Variants in GLUD1 observed in about 807,000 individuals in gnomAD.
The protein encoded by GLUD1 is glutamate dehydrogenase 1, mitochondrial.
Under a neutral mutation model 56.0 loss-of-function variants are expected in GLUD1, and 22 were observed. The observed-to-expected ratio is 0.39, with a 90% CI of 0.28 to 0.56. GLUD1 has a LOEUF of 0.56. GLUD1 is among the 20% of genes least tolerant of loss of function. The pLI, the probability that GLUD1 is intolerant of heterozygous loss-of-function variation, is 0.58. For synonymous variants in GLUD1, 223 were observed against 269.9 expected (o/e 0.83, Z 1.70); for missense variants, 451 against 732.0 (o/e 0.62, Z 4.43).
intron 8 of GLUD1, chr10:87,060,447 G>GT (rs367859959): frequency 0.11 from 48,250 of 430,586 alleles, 75 homozygotes; most frequent in South Asian, 0.16. Context: ...TTGTTTGCTT[G>GT]TTTTTTTTTT....
At chr10:87,060,594 A>G in intron 8 of GLUD1, 94 bp downstream of exon 8, 1 of 1,487,794 alleles carries the variant, frequency 6.7e-7, no homozygotes, top group Non-Finnish European at 9.4e-7. Flanking sequence ...TAAAGCTGCT[A>G]AAAAGAAAGA....
intron 5 of GLUD1, among the ~76,000 whole-genome samples, chr10:87,065,717 A>C (rs893852038): frequency 1.3e-5 from 2 of 152,198 alleles, no homozygotes; most frequent in Non-Finnish European, 2.9e-5. Context: ...TACCTGATGT[A>C]ATACCTACAG....
chr10:87,057,386 C>G (rs563722308), intron 11 of GLUD1, among the ~76,000 whole-genome samples: 128 of 152,294 alleles, frequency 8.4e-4, no homozygotes, highest in African/African-American at 3.0e-3. Context: ...CTAATGCTTG[C>G]TTTTCAATTC....
In GLUD1 at chr10:87,051,725, T is replaced by C. The variant is rs754979583; in HGVS notation, c.*26A>G. On this transcript the variant is annotated 3_prime_UTR_variant, in exon 13 of 13. Coordinates refer to ENST00000277865, the MANE Select transcript of GLUD1 (RefSeq NM_005271.5). ...CTGCAGAAGTTACATGTGAAGAGGA[T>C]AGTGAGGAAGTCAGCCATGATCCAT... 38 of 1,610,950 alleles carry C rather than the reference T, an allele frequency of 2.4e-5. No homozygotes were observed. Among genetic ancestry groups the C allele is most frequent in the African/African-American group, 4.0e-5 (3 of 74,834 alleles).
intron 1 of GLUD1, among the ~76,000 whole-genome samples, chr10:87,090,965 G>A (rs760566575): frequency 2.0e-5 from 3 of 152,042 alleles, no homozygotes; most frequent in Admixed American, 1.3e-4. Flanking sequence ...GGCTGAGGGC[G>A]TCTTTAACAC....
intron 4 of GLUD1, 33 bp downstream of exon 4, chr10:87,074,518 A>C: frequency 7.6e-7 from 1 of 1,316,976 alleles, no homozygotes; most frequent in Admixed American, 1.7e-5. Flanking sequence ...AGATGTTCCC[A>C]CTTTATACCA....
At chr10:87,080,522 T>C (rs1386284980) in intron 1 of GLUD1, among the ~76,000 whole-genome samples, 1 of 150,808 alleles carries the variant, frequency 6.6e-6, no homozygotes, top group African/African-American at 2.4e-5. Context: ...CCATCCCATC[T>C]AGGAAGTGAG....
rs146217863 is a variant in GLUD1, at chr10:87,074,443, G to A, written c.646+108C>T. 426 of 734,974 alleles carry A rather than the reference G, an allele frequency of 5.8e-4. 2 individuals carry two copies. In the East Asian group the frequency reaches 7.3e-3, roughly 13 times the overall value. The allele number at this position is 734,974 out of a possible 1,614,324, so 45.5% of individuals were successfully genotyped here. On this transcript the variant is annotated intron_variant, in intron 4 of 12. Transcript: ENST00000277865. ...TTGAACCCAGGAGGCGGACGAGATC[G>A]CACCACTGCACTCTAGTCTGGGCAA...
intron 10 of GLUD1, among the ~76,000 whole-genome samples, chr10:87,058,239 C>T (rs1160636332): frequency 1.3e-5 from 2 of 152,140 alleles, no homozygotes; most frequent in Non-Finnish European, 2.9e-5. Flanking sequence ...AAACACATTG[C>T]CAATTTCCTA....
At chr10:87,076,146 A>G in intron 2 of GLUD1, 123 bp from the exon 3 acceptor site, 2 of 772,520 alleles carry the variant, frequency 2.6e-6, no homozygotes, top group Non-Finnish European at 4.6e-6. Context: ...AATTCAAGAA[A>G]TAAACCTACC....
chr10:87,059,080 G>A, intron 10 of GLUD1, 70 bp downstream of exon 10: 1 of 1,563,164 alleles, frequency 6.4e-7, no homozygotes, highest in Non-Finnish European at 8.8e-7. Flanking sequence ...GTTCTCTTAA[G>A]TGGACCTTTT....
rs574415113 is a variant in GLUD1, at chr10:87,079,664, C to T, written c.446-3008G>A. Among the ~76,000 whole-genome samples, 412 of 152,226 alleles carry T rather than the reference C, an allele frequency of 2.7e-3. 2 individuals are homozygous for T. Among genetic ancestry groups the T allele is most frequent in the Admixed American group, 4.6e-3 (70 of 15,294 alleles). On this transcript the variant is annotated intron_variant, in intron 1 of 12. Coordinates refer to ENST00000277865, the MANE Select transcript of GLUD1 (RefSeq NM_005271.5). ...TGGGTGTCACGACTGCGAGGAACAT[C>T]GCACATGGGGAATCTGGCACGGTGC...
chr10:87,086,998 A>AGCTCAAGG lies in GLUD1; in HGVS notation c.445+7319_445+7326dup, dbSNP rs780719896. On this transcript the variant is annotated intron_variant, in intron 1 of 12. Transcript: ENST00000277865. Reference sequence around the variant, plus strand: ...CTACCAGGGTTAGCACAGACCCCACAGCTCAAGGGCTCAGTCGCACAAGAC... The same window carrying AGCTCAAGG: ...CTACCAGGGTTAGCACAGACCCCACAGCTCAAGGGCTCAAGGGCTCAGTCGCACAAGAC... Among the ~76,000 whole-genome samples, 412 of 152,254 alleles carry AGCTCAAGG rather than the reference A, an allele frequency of 2.7e-3. 2 individuals carry two copies. The highest frequency in any genetic ancestry group is 4.5e-3 in the Admixed American group (69 of 15,294).
chr10:87,062,125 C>T (rs953703712), intron 6 of GLUD1, among the ~76,000 whole-genome samples: 5 of 152,126 alleles, frequency 3.3e-5, no homozygotes, highest in Non-Finnish European at 7.4e-5. Flanking sequence ...ACCATGTTGG[C>T]CAGGCTGGTC....
rs375970688 is a variant in GLUD1, at chr10:87,076,566, G to A, written c.526+10C>T. The A allele has an allele frequency of 3.8e-5, 58 of 1,538,456 alleles. No individual in the cohort carries two copies. Among genetic ancestry groups the A allele is most frequent in the Non-Finnish European group, 4.8e-5 (53 of 1,110,936 alleles). ...GTTCTCATTAGGCAGCAAGAAAGGC[G>A]ATCACTTACCAACCACTGCACACTT... On this transcript the variant is annotated intron_variant, in intron 2 of 12. Coordinates refer to ENST00000277865, the MANE Select transcript of GLUD1 (RefSeq NM_005271.5).
chr10:87,060,299 T>TG, intron 8 of GLUD1, 58 bp from the exon 9 acceptor site: 7 of 1,103,874 alleles, frequency 6.3e-6, no homozygotes, highest in Non-Finnish European at 9.8e-6. Flanking sequence ...TCCCCTCCAC[T>TG]GAGGGCAAGA....
At chr10:87,061,855 C>T (rs955957480) in intron 6 of GLUD1, among the ~76,000 whole-genome samples, 2 of 152,062 alleles carry the variant, frequency 1.3e-5, no homozygotes, top group Non-Finnish European at 2.9e-5. Flanking sequence ...GCAATCTCGG[C>T]TCACTGCAAG....
chr10:87,069,675 C>A (rs1459936993), intron 4 of GLUD1, among the ~76,000 whole-genome samples: 2 of 152,036 alleles, frequency 1.3e-5, no homozygotes, highest in Non-Finnish European at 2.9e-5. Context: ...GGCCCAAGGC[C>A]TAAATAATAA....
At chr10:87,064,393 A>G (rs1846021473) in intron 5 of GLUD1, among the ~76,000 whole-genome samples, 1 of 152,242 alleles carries the variant, frequency 6.6e-6, no homozygotes, top group Admixed American at 6.5e-5. Flanking sequence ...AACTAGAGAC[A>G]GTCTTATTTT....
Sources: gnomAD v4.1 joint callset for allele counts (sites outside exome capture counted in the v4.1 genomes callset) on GRCh38, gnomAD v4.1.1 for gene constraint, MANE v1.5 for transcripts, NCBI Gene and HGNC (gene_info 2026-07-23, HGNC 2026-07-21) for gene names.